CNTN5: variants seen among roughly 807,000 people sequenced by gnomAD.
CNTN5 encodes contactin 5, also known as contactin-5.
Under a neutral mutation model 129.1 loss-of-function variants are expected in CNTN5, and 77 were observed. That is an observed-to-expected ratio of 0.60 (90% CI 0.50 to 0.72). The LOEUF is 0.72. Among genes scored for constraint, CNTN5 ranks in the 30% least tolerant of loss-of-function variants. The pLI, the probability that CNTN5 is intolerant of heterozygous loss-of-function variation, is 0.00. For missense variants in CNTN5, 1,478 were observed against 1,328.8 expected (o/e 1.11, Z -1.75); for synonymous variants, 509 against 465.6 (o/e 1.09, Z -1.20).
intron 2 of CNTN5, among the ~76,000 whole-genome samples, chr11:99,519,103 T>C (rs908868275): frequency 6.6e-6 from 1 of 152,092 alleles, no homozygotes; most frequent in African/African-American, 2.4e-5. Flanking sequence ...CCAACTTCAC[T>C]AGGCTCTGCC....
intron 1 of CNTN5, among the ~76,000 whole-genome samples, chr11:99,317,821 C>T (rs1440155299): frequency 6.6e-6 from 1 of 151,318 alleles, no homozygotes; most frequent in East Asian, 1.9e-4. Context: ...AATTAACTTA[C>T]TGTAAAAAAA....
chr11:99,722,155 C>T (rs2135034523), intron 3 of CNTN5, among the ~76,000 whole-genome samples: 1 of 152,194 alleles, frequency 6.6e-6, no homozygotes, highest in Middle Eastern at 3.4e-3. Context: ...AAATATAAAT[C>T]ATTAATCCAT....
At chr11:99,439,073 A>G (rs1286106946) in intron 2 of CNTN5, among the ~76,000 whole-genome samples, 1 of 152,240 alleles carries the variant, frequency 6.6e-6, no homozygotes, top group Non-Finnish European at 1.5e-5. Context: ...TTTTCGATAG[A>G]GTGACCTAAA....
At position 99,561,123 on chromosome 11, in the gene CNTN5, A is replaced by G. The variant is rs541155327; in HGVS notation, c.55+4854A>G. Among the ~76,000 whole-genome samples, 68 of 152,286 alleles carry G rather than the reference A, an allele frequency of 4.5e-4. 1 individual carries two copies. Among genetic ancestry groups the G allele is most frequent in the South Asian group, 4.1e-4 (2 of 4,828 alleles). On this transcript the variant is annotated intron_variant, in intron 3 of 24. Transcript: ENST00000524871. The stretch of plus-strand genomic sequence containing the variant: ...ATTCTAGGACTGGGCCAAGAAATAT[A>G]TAAATCATTCTAGAGTATCCTGTAG...
intron 10 of CNTN5, among the ~76,000 whole-genome samples, chr11:100,066,464 A>C (rs1049032486): frequency 6.6e-6 from 1 of 152,156 alleles, no homozygotes; most frequent in Non-Finnish European, 1.5e-5. Flanking sequence ...ATTTCTAATG[A>C]CAAGAGATAA....
intron 2 of CNTN5, among the ~76,000 whole-genome samples, chr11:99,398,859 C>T (rs1323231562): frequency 1.3e-5 from 2 of 151,748 alleles, no homozygotes; most frequent in East Asian, 1.9e-4. Context: ...CTCTCTCCCT[C>T]CTACAAGAAT....
At chr11:99,959,909 C>G (rs1367640836) in intron 8 of CNTN5, among the ~76,000 whole-genome samples, 1 of 149,118 alleles carries the variant, frequency 6.7e-6, no homozygotes, top group Non-Finnish European at 1.5e-5. Context: ...CTATTGCTTT[C>G]TCGGCTTTTA....
intron 1 of CNTN5, among the ~76,000 whole-genome samples, chr11:99,119,084 A>G (rs1028515972): frequency 6.6e-6 from 1 of 152,056 alleles, no homozygotes; most frequent in Non-Finnish European, 1.5e-5. Context: ...CATTAGTTCA[A>G]GTTTTTCTAA....
rs537653829 is a variant in CNTN5, at chr11:99,819,387, A to G, written c.56-157A>G. The G allele has an allele frequency of 1.0e-5, 6 of 575,952 alleles. No individual in the cohort carries two copies. In the East Asian group the frequency reaches 1.8e-4, roughly 18 times the overall value. The allele number at this position is 575,952 out of a possible 1,614,324, so 35.7% of individuals were successfully genotyped here. On this transcript the variant is annotated intron_variant, in intron 3 of 24. Transcript: ENST00000524871. ...GAATTTTCAGAAAATATTAAAAAAT[A>G]TAAAAGTAACATTTTTTCACACTCT...
At chr11:99,710,612 T>C (rs1954946552) in intron 3 of CNTN5, among the ~76,000 whole-genome samples, 1 of 151,254 alleles carries the variant, frequency 6.6e-6, no homozygotes, top group Admixed American at 6.6e-5. Flanking sequence ...TATGTATGTA[T>C]GTATGTTTGA....
rs1303421887 is a variant in CNTN5, at chr11:99,813,607, T to G, written c.56-5937T>G. Among the ~76,000 whole-genome samples the G allele has an allele frequency of 1.3e-5, 2 of 152,246 alleles. 1 individual carries two copies. Among genetic ancestry groups the G allele is most frequent in the East Asian group, 3.9e-4 (2 of 5,178 alleles). ...ACTGAGACTAAAGATGAAATTCCTCTGGGAGGGAGTTGATCATTTAAAGGG... is the reference window on the plus strand; with the variant it reads ...ACTGAGACTAAAGATGAAATTCCTCGGGGAGGGAGTTGATCATTTAAAGGG... On this transcript the variant is annotated intron_variant, in intron 3 of 24. Transcript: ENST00000524871.
At position 100,153,497 on chromosome 11, in the gene CNTN5, T is replaced by C. The variant is rs1947134178; in HGVS notation, c.1581-37629T>C. Among the ~76,000 whole-genome samples, 3 of 152,212 alleles carry C rather than the reference T, an allele frequency of 2.0e-5. No homozygotes were observed. The South Asian group carries it at 6.2e-4, about 32-fold the overall frequency. On this transcript the variant is annotated intron_variant, in intron 13 of 24. Coordinates refer to ENST00000524871, the MANE Select transcript of CNTN5 (RefSeq NM_014361.4). The stretch of plus-strand genomic sequence containing the variant: ...ATTGGTCAAAATGTACAGCAAATAA[T>C]AAATCAGATTTGTTTTGATGTACTT...
At chr11:99,967,495 G>A (rs917522576) in intron 8 of CNTN5, among the ~76,000 whole-genome samples, 10 of 152,166 alleles carry the variant, frequency 6.6e-5, no homozygotes, top group East Asian at 3.9e-4. Context: ...GTCTGTAACC[G>A]CGCACTCTGG....
At chr11:99,445,122 G>A (rs931285191) in intron 2 of CNTN5, among the ~76,000 whole-genome samples, 5 of 148,548 alleles carry the variant, frequency 3.4e-5, no homozygotes, top group East Asian at 1.9e-4. Context: ...TTATATGCAT[G>A]TGTATAAGTG....
At chr11:100,098,430 A>C (rs1033822518) in intron 13 of CNTN5, among the ~76,000 whole-genome samples, 1 of 151,966 alleles carries the variant, frequency 6.6e-6, no homozygotes, top group Non-Finnish European at 1.5e-5. Flanking sequence ...CCCTCTTTTG[A>C]CTAGGATTTT....
chr11:99,215,994 C>G (rs1026293900), intron 1 of CNTN5, among the ~76,000 whole-genome samples: 1 of 152,176 alleles, frequency 6.6e-6, no homozygotes, highest in Non-Finnish European at 1.5e-5. Context: ...TCACCTCAAG[C>G]ATTTATCATG....
intron 3 of CNTN5, among the ~76,000 whole-genome samples, chr11:99,814,904 G>A (rs1024080416): frequency 2.0e-5 from 3 of 152,068 alleles, no homozygotes; most frequent in Non-Finnish European, 4.4e-5. Context: ...CAATCATGAT[G>A]GAAGGCAAAG....
intron 3 of CNTN5, among the ~76,000 whole-genome samples, chr11:99,788,907 G>T (rs1164638482): frequency 6.6e-6 from 1 of 151,800 alleles, no homozygotes; most frequent in Admixed American, 6.6e-5. Context: ...TCTTTCAACA[G>T]TCTGTGTTAG....
chr11:99,116,505 AT>A (rs1467923315), intron 1 of CNTN5, among the ~76,000 whole-genome samples: 2 of 152,114 alleles, frequency 1.3e-5, no homozygotes, highest in East Asian at 3.8e-4. Context: ...TTGATTTCCT[AT>A]TCTCAGGTTG....
Sources: allele counts gnomAD v4.1 joint callset (sites outside exome capture counted in the v4.1 genomes callset), GRCh38; gene constraint gnomAD v4.1.1; transcripts MANE v1.5; gene names NCBI Gene and HGNC (gene_info 2026-07-23, HGNC 2026-07-21).